The following SHC3 variants were observed in gnomAD, a reference collection of about 807,000 sequenced individuals.
SHC3 encodes SHC adaptor protein 3.
A neutral mutation model predicts 60.4 loss-of-function variants in SHC3; 15 were observed. That is an observed-to-expected ratio of 0.25 (90% CI 0.17 to 0.38). The LOEUF is 0.38. Ranked by LOEUF, SHC3 falls within the 10% of genes least tolerant of loss-of-function variation. The pLI, the probability that SHC3 is intolerant of heterozygous loss-of-function variation, is 1.00. For synonymous variants in SHC3, 294 were observed against 325.9 expected, an observed-to-expected ratio of 0.90 and a Z score of 1.05; for missense variants, 677 against 786.1, an observed-to-expected ratio of 0.86 and a Z score of 1.66.
intron 5 of SHC3, among the ~76,000 whole-genome samples, chr9:89,065,940 A>G (rs1410494453): frequency 1.3e-5 from 2 of 152,220 alleles, no homozygotes; most frequent in Non-Finnish European, 2.9e-5. Flanking sequence ...GGATCGCCTG[A>G]GAAGCTTTAA....
At chr9:89,035,862 T>TATATATATATATATATA in intron 11 of SHC3, among the ~76,000 whole-genome samples, 2 of 105,138 alleles carry the variant, frequency 1.9e-5, no homozygotes, top group East Asian at 4.4e-4. Context: ...TGTGTGTGTG[T>TATATATATATATATATA]GTGTGTGTGT....
chr9:89,118,297 C>T (rs1269365707), intron 1 of SHC3, among the ~76,000 whole-genome samples: 1 of 151,128 alleles, frequency 6.6e-6, no homozygotes, highest in Admixed American at 6.6e-5. Flanking sequence ...CAGTGGGCTC[C>T]AGAGATACAC....
At chr9:89,036,512 G>A (rs1401298898) in intron 11 of SHC3, among the ~76,000 whole-genome samples, 1 of 152,142 alleles carries the variant, frequency 6.6e-6, no homozygotes, top group Non-Finnish European at 1.5e-5. Flanking sequence ...TACCGTCCCC[G>A]GGTACAGAGA....
Position 89,038,274 on chromosome 9 carries a change from C to T in SHC3, c.1375G>A (p.Ala459Thr). The change falls in exon 11 of 12, where the codon GCT (alanine) becomes ACT (threonine). Residue 459 changes from alanine (A) to threonine (T), a missense_variant. By Grantham distance (58) the Ala-to-Thr change is moderately conservative (BLOSUM62 0). Transcript: ENST00000375835. Reference sequence around the variant, plus strand: ...GGCCCCAAGGGCTGGTTCTTGAGAGCATCTTCAAAAGGTTCTGTCATCAAC... The same window carrying T: ...GGCCCCAAGGGCTGGTTCTTGAGAGTATCTTCAAAAGGTTCTGTCATCAAC... ...DLFDMKPFED[A>T]LKNQPLGPVL... is the part of the protein sequence containing the mutation. 1.2e-6 allele frequency: 2 copies of T among 1,611,500 alleles called. No homozygotes were observed. The highest frequency in any genetic ancestry group is 1.7e-6 in the Non-Finnish European group (2 of 1,178,880).
chr9:89,019,930 G>C (rs1457718889), intron 11 of SHC3, among the ~76,000 whole-genome samples: 1 of 152,172 alleles, frequency 6.6e-6, no homozygotes, highest in Non-Finnish European at 1.5e-5. Flanking sequence ...TTCAGGGAGA[G>C]AAGCTGGAGG....
intron 2 of SHC3, among the ~76,000 whole-genome samples, chr9:89,102,433 A>G (rs1241174215): frequency 6.6e-6 from 1 of 152,150 alleles, no homozygotes; most frequent in Non-Finnish European, 1.5e-5. Context: ...ATTTGAAGAA[A>G]ATTTTAGGAA....
At chr9:89,085,928 C>T (rs1056108703) in intron 2 of SHC3, among the ~76,000 whole-genome samples, 1 of 152,212 alleles carries the variant, frequency 6.6e-6, no homozygotes, top group African/African-American at 2.4e-5. Context: ...ATTTACAGTA[C>T]AGTGGCTTCC....
chr9:89,167,329 C>T (rs1003927754), intron 1 of SHC3, among the ~76,000 whole-genome samples: 16 of 152,342 alleles, frequency 1.1e-4, no homozygotes, highest in Non-Finnish European at 2.4e-4. Context: ...GTGCAGCCAT[C>T]ACCTTCTTAC....
intron 1 of SHC3, among the ~76,000 whole-genome samples, chr9:89,167,794 G>GA (rs1299751923): frequency 6.6e-6 from 1 of 152,198 alleles, no homozygotes; most frequent in Non-Finnish European, 1.5e-5. Flanking sequence ...AAATTAGGGG[G>GA]AAAAACCCCA....
intron 1 of SHC3, among the ~76,000 whole-genome samples, chr9:89,148,164 A>C (rs1245549327): frequency 6.6e-6 from 1 of 152,194 alleles, no homozygotes; most frequent in Non-Finnish European, 1.5e-5. Context: ...ATTGGTTTGC[A>C]ATTTGTAATG....
chr9:89,115,431 T>C (rs1413439292), intron 1 of SHC3, among the ~76,000 whole-genome samples: 1 of 152,118 alleles, frequency 6.6e-6, no homozygotes, highest in Non-Finnish European at 1.5e-5. Flanking sequence ...AGAGATATTA[T>C]AAATACCACA....
Position 89,053,372 on chromosome 9 carries a change from G to A in SHC3, c.836-1209C>T, listed in dbSNP as rs539686964. On this transcript the variant is annotated intron_variant, in intron 6 of 11. Coordinates refer to ENST00000375835, the MANE Select transcript of SHC3 (RefSeq NM_016848.6). ...ACACTGAACTGTGCCCTCCCTATAGGAGAAGCCAGTACATACTGGAAAGAT... is the reference window on the plus strand; with the variant it reads ...ACACTGAACTGTGCCCTCCCTATAGAAGAAGCCAGTACATACTGGAAAGAT... Among the ~76,000 whole-genome samples, 63 of 152,330 alleles carry A rather than the reference G, an allele frequency of 4.1e-4. No homozygotes were observed. In the Middle Eastern group the frequency reaches 0.01, roughly 25 times the overall value.
At chr9:89,117,458 A>G (rs1411332098) in intron 1 of SHC3, among the ~76,000 whole-genome samples, 19 of 152,144 alleles carry the variant, frequency 1.2e-4, no homozygotes, top group Admixed American at 1.2e-3. Flanking sequence ...TTGATTGTTC[A>G]TATCTTTCTG....
At chr9:89,027,655 G>C (rs1016021055) in intron 11 of SHC3, among the ~76,000 whole-genome samples, 1 of 152,176 alleles carries the variant, frequency 6.6e-6, no homozygotes, top group African/African-American at 2.4e-5. Context: ...GTTAGGATGA[G>C]TACAGGAATT....
Position 89,178,133 on chromosome 9 carries a change from C to T in SHC3, c.328G>A (p.Gly110Ser), listed in dbSNP as rs867977331. 1 of 1,180,748 alleles carries T rather than the reference C, an allele frequency of 8.5e-7. No homozygotes were observed. The highest frequency in any genetic ancestry group is 1.6e-5 in the African/African-American group (1 of 62,138). 73.1% of individuals were successfully genotyped at this position (1,180,748 alleles called of 1,614,324 possible). A position where few individuals can be genotyped will look rare whatever the true frequency, so the allele number is the denominator to read the frequency against. The part of the protein sequence containing the change: ...CSAPSLAAPD[G>S]SAPSAPRAPA... ...GCGCGGGGCGCCGAGGGCGCACTGC[C>T]GTCCGGGGCGGCCAGGCTGGGCGCG... The change falls in exon 1 of 12, where the codon GGC (glycine) becomes AGC (serine). Residue 110 changes from glycine to serine, a missense_variant. By Grantham distance (56) the Gly-to-Ser change is moderately conservative (BLOSUM62 0). Transcript: ENST00000375835. The surrounding 1 kb of genome is among the most constrained non-coding windows in gnomAD (Gnocchi z 6.9).
At chr9:89,054,354 G>A (rs1025171767) in intron 6 of SHC3, among the ~76,000 whole-genome samples, 1 of 152,198 alleles carries the variant, frequency 6.6e-6, no homozygotes, top group East Asian at 1.9e-4. Flanking sequence ...CTGGCACCTG[G>A]CAGAGTCCTC....
At chr9:89,129,607 A>G (rs1178426884) in intron 1 of SHC3, among the ~76,000 whole-genome samples, 8 of 152,214 alleles carry the variant, frequency 5.3e-5, no homozygotes, top group Non-Finnish European at 1.0e-4. Context: ...AATATTCAAC[A>G]TTCTTAAAGA....
At chr9:89,039,414 G>A (rs1824637781) in intron 10 of SHC3, among the ~76,000 whole-genome samples, 1 of 152,178 alleles carries the variant, frequency 6.6e-6, no homozygotes, top group South Asian at 2.1e-4. Flanking sequence ...AAATAAGTTA[G>A]AACCATTGGC....
At chr9:89,024,046 G>T (rs1413287927) in intron 11 of SHC3, among the ~76,000 whole-genome samples, 1 of 152,142 alleles carries the variant, frequency 6.6e-6, no homozygotes, top group East Asian at 1.9e-4. Context: ...GGCTGGCCTA[G>T]AACAGCAGCT....
Sources: allele counts gnomAD v4.1 joint callset (sites outside exome capture counted in the v4.1 genomes callset), GRCh38; gene constraint gnomAD v4.1.1; non-coding constraint Gnocchi (gnomAD v3.1); transcripts MANE v1.5; gene names NCBI Gene and HGNC (gene_info 2026-07-23, HGNC 2026-07-21).